The following SPIRE1 variants were observed in gnomAD, a reference collection of about 807,000 sequenced individuals.
SPIRE1 encodes spire type actin nucleation factor 1, also known as protein spire homolog 1.
A neutral mutation model predicts 94.1 loss-of-function variants in SPIRE1; 40 were observed. That is an observed-to-expected ratio of 0.43 (90% CI 0.33 to 0.55). The LOEUF is 0.55. SPIRE1 is among the 20% of genes least tolerant of loss of function. The pLI is 0.06. For missense variants in SPIRE1, 838 were observed against 975.2 expected, an observed-to-expected ratio of 0.86 and a Z score of 1.87; for synonymous variants, 376 against 371.7, an observed-to-expected ratio of 1.01 and a Z score of -0.13.
At chr18:12,613,373 C>G (rs957261025) in intron 2 of SPIRE1, among the ~76,000 whole-genome samples, 2 of 152,192 alleles carry the variant, frequency 1.3e-5, no homozygotes, top group Non-Finnish European at 2.9e-5. Context: ...CCCGGCTCCC[C>G]ACTAAGCCTC....
chr18:12,525,848 G>A (rs1265334085), intron 4 of SPIRE1, among the ~76,000 whole-genome samples: 1 of 152,050 alleles, frequency 6.6e-6, no homozygotes, highest in African/African-American at 2.4e-5. Flanking sequence ...CTCATTCCTA[G>A]CATCGTAAAG....
chr18:12,547,386 C>T (rs960538005), intron 2 of SPIRE1, among the ~76,000 whole-genome samples: 2 of 152,118 alleles, frequency 1.3e-5, no homozygotes, highest in Non-Finnish European at 2.9e-5. Context: ...TTTGCAAACC[C>T]TGAATTTTCA....
intron 5 of SPIRE1, among the ~76,000 whole-genome samples, chr18:12,508,849 T>C (rs1266101387): frequency 6.6e-6 from 1 of 152,132 alleles, no homozygotes. Flanking sequence ...TAATTTTTTG[T>C]ATTTTCAGTA....
chr18:12,508,687 T>C (rs1305153825), intron 5 of SPIRE1, among the ~76,000 whole-genome samples: 2 of 152,062 alleles, frequency 1.3e-5, no homozygotes, highest in Admixed American at 1.3e-4. Context: ...TTTTTTTTTT[T>C]TTTGAGACGG....
At chr18:12,482,048 T>G (rs1342458895) in intron 9 of SPIRE1, among the ~76,000 whole-genome samples, 1 of 152,214 alleles carries the variant, frequency 6.6e-6, no homozygotes, top group African/African-American at 2.4e-5. Context: ...CAGCTTCTCA[T>G]GCTGGCCCCA....
intron 1 of SPIRE1, among the ~76,000 whole-genome samples, chr18:12,649,729 C>T (rs907551075): frequency 3.3e-5 from 5 of 152,126 alleles, no homozygotes; most frequent in African/African-American, 9.7e-5. Context: ...TTAGTCAAAA[C>T]TCTTAGTGAG....
At chr18:12,602,541 T>G (rs2036865366) in intron 2 of SPIRE1, among the ~76,000 whole-genome samples, 1 of 152,162 alleles carries the variant, frequency 6.6e-6, no homozygotes, top group Non-Finnish European at 1.5e-5. Flanking sequence ...TTTAAGTGTT[T>G]TTGAGATATA....
chr18:12,633,240 A>G (rs751799515), intron 2 of SPIRE1, among the ~76,000 whole-genome samples: 18 of 152,162 alleles, frequency 1.2e-4, no homozygotes, highest in Admixed American at 5.2e-4. Context: ...CAATATAAAA[A>G]TATTAAGTTC....
At chr18:12,596,268 T>C (rs2036668976) in intron 2 of SPIRE1, among the ~76,000 whole-genome samples, 1 of 152,246 alleles carries the variant, frequency 6.6e-6, no homozygotes. Flanking sequence ...TAGAGTCTGT[T>C]CGTTTCATTT....
intron 2 of SPIRE1, among the ~76,000 whole-genome samples, chr18:12,574,400 T>C (rs1259279310): frequency 6.6e-6 from 1 of 152,120 alleles, no homozygotes; most frequent in Non-Finnish European, 1.5e-5. Flanking sequence ...AATAGGTAGA[T>C]AGAGAAAGTC....
intron 4 of SPIRE1, among the ~76,000 whole-genome samples, chr18:12,525,420 G>A (rs1309312271): frequency 1.3e-5 from 2 of 150,788 alleles, no homozygotes; most frequent in Admixed American, 6.6e-5. Flanking sequence ...CATTAATATA[G>A]AAAAAACAAA....
chr18:12,474,825 C>A (rs1192880453), intron 10 of SPIRE1, among the ~76,000 whole-genome samples: 1 of 151,886 alleles, frequency 6.6e-6, no homozygotes, highest in Non-Finnish European at 1.5e-5. Context: ...TCTCAAAAAA[C>A]CCCCCCAAAA....
chr18:12,546,828 C>T lies in SPIRE1; in HGVS notation c.449G>A (p.Ser150Asn). Residue 150 changes from serine to asparagine, a missense_variant, in exon 3 of 17, where the codon AGC becomes AAC. By Grantham distance (46) the Ser-to-Asn change is conservative (BLOSUM62 1). Around this residue, in one of 2 missense-constraint regions of SPIRE1, gnomAD observed 645 missense variants for 804.7 expected, o/e 0.80. Transcript: ENST00000409402. Reference protein sequence around the residue: ...GLKENEERELSPPLEQLIDHM... With the variant: ...GLKENEERELNPPLEQLIDHM... ...ATCGATAAGCTGCTCTAGGGGAGGG[C>T]TTAATTCCCTTTCTTCATTCTCCTT... is the stretch of plus-strand genomic sequence containing the variant. The T allele has an allele frequency of 6.2e-7, 1 of 1,614,038 alleles. No individual in the cohort carries two copies. Among genetic ancestry groups the T allele is most frequent in the Non-Finnish European group, 8.5e-7 (1 of 1,179,998 alleles).
At chr18:12,501,437 A>G (rs1473726415) in intron 6 of SPIRE1, among the ~76,000 whole-genome samples, 3 of 152,192 alleles carry the variant, frequency 2.0e-5, no homozygotes, top group African/African-American at 7.2e-5. Flanking sequence ...ACGCTGGAGT[A>G]CCAGTGGCGC....
chr18:12,650,499 A>C (rs891871504), intron 1 of SPIRE1, among the ~76,000 whole-genome samples: 2 of 151,986 alleles, frequency 1.3e-5, no homozygotes, highest in African/African-American at 4.8e-5. Context: ...TCATGAGGTC[A>C]GGAGTTCGAG....
At chr18:12,650,404 T>C (rs1194234220) in intron 1 of SPIRE1, among the ~76,000 whole-genome samples, 1 of 151,750 alleles carries the variant, frequency 6.6e-6, no homozygotes, top group Non-Finnish European at 1.5e-5. Flanking sequence ...TAAAAAACGA[T>C]ATAAAAATTA....
At chr18:12,578,299 A>G (rs1249429292) in intron 2 of SPIRE1, among the ~76,000 whole-genome samples, 1 of 152,204 alleles carries the variant, frequency 6.6e-6, no homozygotes, top group Non-Finnish European at 1.5e-5. Context: ...AAATAACCCA[A>G]CTGTTCATCA....
chr18:12,497,784 A>G (rs2033511643), intron 6 of SPIRE1, among the ~76,000 whole-genome samples: 1 of 152,346 alleles, frequency 6.6e-6, no homozygotes. Context: ...AGACTTTTCT[A>G]TTACTCACTA....
chr18:12,478,218 C>T (rs142810347), intron 10 of SPIRE1, among the ~76,000 whole-genome samples: 9 of 151,810 alleles, frequency 5.9e-5, no homozygotes, highest in African/African-American at 2.2e-4. Flanking sequence ...GGATAGCAAG[C>T]AGAAGATGAG....
Sources: allele counts gnomAD v4.1 joint callset (sites outside exome capture counted in the v4.1 genomes callset), GRCh38; gene constraint gnomAD v4.1.1; regional missense constraint gnomAD v4.1.1; transcripts MANE v1.5; gene names NCBI Gene and HGNC (gene_info 2026-07-23, HGNC 2026-07-21).